SLC25A48: variants seen among roughly 807,000 people sequenced by gnomAD.
The protein encoded by SLC25A48 is solute carrier family 25 member 48.
Under a neutral mutation model 32.2 loss-of-function variants are expected in SLC25A48, and 29 were observed. That is an observed-to-expected ratio of 0.90 (90% CI 0.67 to 1.23). The LOEUF (loss-of-function observed/expected upper bound fraction) is 1.23. SLC25A48 is among the 50% of genes most tolerant of loss of function. SLC25A48 has a pLI of 0.00. For synonymous variants in SLC25A48, 164 were observed against 172.3 expected (o/e 0.95, Z 0.38); for missense variants, 399 against 422.7 (o/e 0.94, Z 0.49).
At chr5:135,671,221 G>T (rs548161640) in intron 3 of SLC25A48, among the ~76,000 whole-genome samples, 1 of 152,238 alleles carries the variant, frequency 6.6e-6, no homozygotes, top group Non-Finnish European at 1.5e-5. Context: ...GCTCAAGCTT[G>T]CAATTCACAG....
chr5:135,832,118 C>T (rs1412923518), upstream of SLC25A48, among the ~76,000 whole-genome samples: 3 of 152,036 alleles, frequency 2.0e-5, no homozygotes, highest in Non-Finnish European at 2.9e-5. Context: ...TCGAGGGATG[C>T]GCTAAGATGA....
intron 3 of SLC25A48, among the ~76,000 whole-genome samples, chr5:135,737,995 C>T (rs1275176726): frequency 6.6e-6 from 1 of 152,158 alleles, no homozygotes; most frequent in Non-Finnish European, 1.5e-5. Flanking sequence ...TCTCTCAGGA[C>T]CTTGATACTT....
At chr5:135,866,838 C>A (rs1273711813) in intron 4 of SLC25A48, among the ~76,000 whole-genome samples, 15 of 152,306 alleles carry the variant, frequency 9.8e-5, no homozygotes, top group Middle Eastern at 3.4e-3. Context: ...TCTTGCTAGT[C>A]TTGGTTACAT....
intron 2 of SLC25A48, among the ~76,000 whole-genome samples, chr5:135,633,109 C>G (rs912216929): frequency 6.6e-6 from 1 of 152,038 alleles, no homozygotes; most frequent in Admixed American, 6.5e-5. Flanking sequence ...GGGAGGGCAG[C>G]CAATCTGTAC....
At chr5:135,877,875 G>T (rs1762170715) in intron 6 of SLC25A48, among the ~76,000 whole-genome samples, 2 of 152,178 alleles carry the variant, frequency 1.3e-5, no homozygotes, top group Admixed American at 1.3e-4. Context: ...AGCACTCCAG[G>T]CAGAGGGGAC....
Position 135,880,918 on chromosome 5 carries a change from G to A in SLC25A48, c.*7+821G>A, listed in dbSNP as rs183323188. 2.0e-4 allele frequency among the ~76,000 whole-genome samples: 31 copies of A among 152,136 alleles called. No homozygotes were observed. In the East Asian group the frequency reaches 4.7e-3, roughly 23 times the overall value. ...CTTGCTTTCTCAGCTAGGGTGAGTC[G>A]CGCCTTCTGCAGACCATCCCCCACC... On this transcript the variant is annotated intron_variant, in intron 7 of 7. Transcript: ENST00000681962.
At chr5:135,879,512 CT>C in intron 6 of SLC25A48, among the ~76,000 whole-genome samples, 1 of 151,834 alleles carries the variant, frequency 6.6e-6, no homozygotes, top group South Asian at 2.1e-4. Context: ...TTGGGATGTC[CT>C]GTGAAGCCCC....
chr5:135,887,487 C>T (rs917355189), intron 7 of SLC25A48, among the ~76,000 whole-genome samples: 3 of 151,894 alleles, frequency 2.0e-5, no homozygotes, highest in African/African-American at 7.3e-5. Context: ...TACACACACA[C>T]ACATATATAT....
At chr5:135,581,868 TG>T (rs1337894877) in intron 1 of SLC25A48, among the ~76,000 whole-genome samples, 1 of 151,784 alleles carries the variant, frequency 6.6e-6, no homozygotes, top group Non-Finnish European at 1.5e-5. Flanking sequence ...GCTGCCTAAC[TG>T]GGTGAGGGAG....
chr5:135,665,059 C>A (rs1385314555), intron 3 of SLC25A48, among the ~76,000 whole-genome samples: 1 of 152,164 alleles, frequency 6.6e-6, no homozygotes, highest in African/African-American at 2.4e-5. Flanking sequence ...TAATCATTTC[C>A]TTTTTACCAC....
intron 3 of SLC25A48, among the ~76,000 whole-genome samples, chr5:135,753,536 G>A (rs1250749161): frequency 6.6e-6 from 1 of 151,718 alleles, no homozygotes; most frequent in Non-Finnish European, 1.5e-5. Flanking sequence ...AATATCGTGG[G>A]GTGTACTGAC....
At chr5:135,722,226 C>G (rs1754972888) in intron 3 of SLC25A48, among the ~76,000 whole-genome samples, 1 of 152,222 alleles carries the variant, frequency 6.6e-6, no homozygotes, top group African/African-American at 2.4e-5. Flanking sequence ...CGAAATCTCT[C>G]ACATTTACTT....
chr5:135,584,442 A>G (rs1751315798), intron 1 of SLC25A48, among the ~76,000 whole-genome samples: 1 of 152,254 alleles, frequency 6.6e-6, no homozygotes, highest in Non-Finnish European at 1.5e-5. Flanking sequence ...GGATCACGGC[A>G]TTTTGGTTTT....
chr5:135,885,512 T>C (rs1762683869), intron 7 of SLC25A48, among the ~76,000 whole-genome samples: 1 of 152,054 alleles, frequency 6.6e-6, no homozygotes, highest in Non-Finnish European at 1.5e-5. Context: ...TCTCTCTCTC[T>C]CCCCTCCAGC....
chr5:135,616,198 G>A (rs1561759233), intron 1 of SLC25A48, among the ~76,000 whole-genome samples: 1 of 152,196 alleles, frequency 6.6e-6, no homozygotes. Context: ...CCCACATGGA[G>A]TTTCCATTGG....
At chr5:135,626,722 C>T (rs1467565808) in intron 1 of SLC25A48, among the ~76,000 whole-genome samples, 1 of 152,020 alleles carries the variant, frequency 6.6e-6, no homozygotes, top group African/African-American at 2.4e-5. Flanking sequence ...AAGTTCAGGT[C>T]GACTATATCA....
At chr5:135,748,302 T>C (rs969844112) in intron 3 of SLC25A48, among the ~76,000 whole-genome samples, 3 of 152,228 alleles carry the variant, frequency 2.0e-5, no homozygotes, top group Non-Finnish European at 4.4e-5. Flanking sequence ...ATTCTTTTTA[T>C]TTTTATTCTC....
At chr5:135,668,089 G>A (rs192282777) in intron 3 of SLC25A48, among the ~76,000 whole-genome samples, 2 of 152,262 alleles carry the variant, frequency 1.3e-5, no homozygotes, top group African/African-American at 4.8e-5. Context: ...CCAAGAAAGG[G>A]CTTCATTCAC....
At chr5:135,768,229 G>A (rs1316669452) in intron 3 of SLC25A48, among the ~76,000 whole-genome samples, 2 of 147,262 alleles carry the variant, frequency 1.4e-5, no homozygotes, top group Non-Finnish European at 3.0e-5. Flanking sequence ...AATACTCAGC[G>A]GGAAAGAGGA....
Sources: gnomAD v4.1 joint callset for allele counts (sites outside exome capture counted in the v4.1 genomes callset) on GRCh38, gnomAD v4.1.1 for gene constraint, MANE v1.5 for transcripts, NCBI Gene and HGNC (gene_info 2026-07-23, HGNC 2026-07-21) for gene names.